Variants in DAB1 observed in about 807,000 individuals in gnomAD.
DAB1 encodes DAB adaptor protein 1, also known as disabled homolog 1.
A neutral mutation model predicts 64.6 loss-of-function variants in DAB1; 15 were observed. The observed-to-expected ratio is 0.23, with a 90% CI of 0.16 to 0.36. The LOEUF is 0.36. DAB1 is among the 10% of genes least tolerant of loss of function. The probability of loss-of-function intolerance (pLI) is 1.00; values close to 1 mark genes in which losing one functional copy is unlikely to be tolerated. For synonymous variants in DAB1, 235 were observed against 251.9 expected (o/e 0.93, Z 0.64); for missense variants, 596 against 706.7 (o/e 0.84, Z 1.78).
intron 5 of DAB1, among the ~76,000 whole-genome samples, chr1:57,977,213 G>A (rs939077589): frequency 1.3e-5 from 2 of 152,108 alleles, no homozygotes; most frequent in Non-Finnish European, 2.9e-5. Context: ...CTGCCCACTG[G>A]TGTTTGTTCA....
chr1:57,695,277 GAAGGAAGA>G (rs1646812063), intron 6 of DAB1, among the ~76,000 whole-genome samples: 1 of 74,742 alleles, frequency 1.3e-5, no homozygotes, highest in African/African-American at 5.4e-5. Flanking sequence ...AGGAAGGAAG[GAAGGAAGA>G]AAGGGAGAGA....
intron 6 of DAB1, among the ~76,000 whole-genome samples, chr1:57,735,236 A>C (rs1238989545): frequency 6.6e-6 from 1 of 152,170 alleles, no homozygotes; most frequent in Non-Finnish European, 1.5e-5. Context: ...TAAGGGACCA[A>C]GTTTTTACTA....
At chr1:57,962,414 T>C (rs557535642) in intron 5 of DAB1, among the ~76,000 whole-genome samples, 1 of 152,236 alleles carries the variant, frequency 6.6e-6, no homozygotes, top group South Asian at 2.1e-4. Context: ...CCAATAAGCT[T>C]CATCAACTAG....
intron 5 of DAB1, among the ~76,000 whole-genome samples, chr1:58,062,720 C>T (rs1389193475): frequency 6.6e-6 from 1 of 152,198 alleles, no homozygotes; most frequent in African/African-American, 2.4e-5. Flanking sequence ...CCTACCTAGT[C>T]ACCCAGATGG....
chr1:58,527,357 G>A, intron 1 of DAB1: 1 of 867,308 alleles, frequency 1.2e-6, no homozygotes, highest in East Asian at 2.4e-5. Context: ...TGACAGAAAA[G>A]CTCCATTAAG....
At chr1:58,440,758 T>A (rs1557761991) in intron 3 of DAB1, among the ~76,000 whole-genome samples, 1 of 152,236 alleles carries the variant, frequency 6.6e-6, no homozygotes, top group Non-Finnish European at 1.5e-5. Flanking sequence ...ACTATTATTA[T>A]CATAGTTTTA....
At chr1:57,246,768 C>T (rs1668914422) in intron 2 of DAB1, among the ~76,000 whole-genome samples, 1 of 152,230 alleles carries the variant, frequency 6.6e-6, no homozygotes, top group African/African-American at 2.4e-5. Context: ...CTGCCCAAGG[C>T]CATAGGAGCC....
chr1:58,494,213 A>G (rs1178414459), intron 3 of DAB1, among the ~76,000 whole-genome samples: 4 of 152,240 alleles, frequency 2.6e-5, no homozygotes, highest in Non-Finnish European at 5.9e-5. Context: ...CTGGCTAGCC[A>G]TATGGAGAAA....
chr1:58,402,549 G>A (rs1044168229), intron 3 of DAB1, among the ~76,000 whole-genome samples: 5 of 151,878 alleles, frequency 3.3e-5, no homozygotes, highest in African/African-American at 7.3e-5. Flanking sequence ...AGCAAAACCT[G>A]TTGTATCTCA....
intron 6 of DAB1, among the ~76,000 whole-genome samples, chr1:57,697,808 T>C (rs3126021): frequency 0.048 from 7,235 of 152,190 alleles, 575 homozygotes; most frequent in African/African-American, 0.16. Context: ...ACTAGGGAGA[T>C]TCTTTCAAAA....
chr1:58,394,270 G>A (rs1284894526), intron 3 of DAB1, among the ~76,000 whole-genome samples: 1 of 152,194 alleles, frequency 6.6e-6, no homozygotes, highest in African/African-American at 2.4e-5. Flanking sequence ...CAGTGCTAAT[G>A]GAGAATGCTA....
At chr1:57,671,291 C>T (rs1646507567) in intron 6 of DAB1, among the ~76,000 whole-genome samples, 1 of 152,026 alleles carries the variant, frequency 6.6e-6, no homozygotes, top group African/African-American at 2.4e-5. Flanking sequence ...ATATTTTACG[C>T]TTTTTGGCAT....
chr1:57,312,695 G>A (rs1674826465), intron 1 of DAB1, among the ~76,000 whole-genome samples: 1 of 152,004 alleles, frequency 6.6e-6, no homozygotes, highest in Admixed American at 6.6e-5. Flanking sequence ...AGTGTCTTGT[G>A]CCTTGAATGT....
intron 3 of DAB1, among the ~76,000 whole-genome samples, chr1:58,378,960 C>T (rs1399269815): frequency 3.4e-4 from 45 of 134,294 alleles, no homozygotes; most frequent in Admixed American, 2.1e-3. Flanking sequence ...CGTCCGTCAC[C>T]CCTTTCTTTG....
intron 6 of DAB1, among the ~76,000 whole-genome samples, chr1:57,691,010 C>G (rs189756581): frequency 3.3e-5 from 5 of 152,034 alleles, no homozygotes; most frequent in Non-Finnish European, 7.4e-5. Context: ...TTTTCCTATA[C>G]AGTTGTTTGA....
At chr1:57,131,148 A>G (rs1460487398) in intron 4 of DAB1, among the ~76,000 whole-genome samples, 1 of 152,208 alleles carries the variant, frequency 6.6e-6, no homozygotes, top group Non-Finnish European at 1.5e-5. Flanking sequence ...AGTCAAGTTG[A>G]GAATCTCTGA....
intron 11 of DAB1, among the ~76,000 whole-genome samples, chr1:57,016,890 A>G (rs1405085166): frequency 1.3e-5 from 2 of 152,060 alleles, no homozygotes; most frequent in Non-Finnish European, 1.5e-5. Context: ...GGTAGGTATT[A>G]TTATCTGTAT....
intron 1 of DAB1, among the ~76,000 whole-genome samples, chr1:57,335,093 T>A (rs1676971100): frequency 6.6e-6 from 1 of 152,190 alleles, no homozygotes. Flanking sequence ...ATTCTAATTG[T>A]TCTTCTAAGC....
At chr1:58,356,267 A>G (rs1454734219) in intron 3 of DAB1, among the ~76,000 whole-genome samples, 2 of 152,182 alleles carry the variant, frequency 1.3e-5, no homozygotes, top group Non-Finnish European at 2.9e-5. Flanking sequence ...AAATGGCAGT[A>G]TTGACCTGTA....
Sources: gnomAD v4.1 joint callset for allele counts (sites outside exome capture counted in the v4.1 genomes callset) on GRCh38, gnomAD v4.1.1 for gene constraint, MANE v1.5 for transcripts, NCBI Gene and HGNC (gene_info 2026-07-23, HGNC 2026-07-21) for gene names.